SLC35F1: variants seen among roughly 807,000 people sequenced by gnomAD.
SLC35F1 encodes chromosome 6 open reading frame 169.
Under a neutral mutation model 48.7 loss-of-function variants are expected in SLC35F1, and 14 were observed. The observed-to-expected ratio is 0.29, with a 90% CI of 0.19 to 0.45. The LOEUF (loss-of-function observed/expected upper bound fraction) is 0.45. Ranked by LOEUF, SLC35F1 falls within the 20% of genes least tolerant of loss-of-function variation. SLC35F1 has a pLI of 1.00. For synonymous variants in SLC35F1, 190 were observed against 202.2 expected (o/e 0.94, Z 0.51); for missense variants, 404 against 500.0 (o/e 0.81, Z 1.83).
intron 1 of SLC35F1, among the ~76,000 whole-genome samples, chr6:118,038,315 C>T (rs1451876305): frequency 6.6e-6 from 1 of 151,650 alleles, no homozygotes; most frequent in African/African-American, 2.4e-5. Context: ...ATTTTTTTCT[C>T]ATATTATTTC....
At chr6:118,212,157 A>G (rs1204672178) in intron 2 of SLC35F1, among the ~76,000 whole-genome samples, 1 of 152,158 alleles carries the variant, frequency 6.6e-6, no homozygotes. Context: ...CTTTTCTCGC[A>G]TGTCTTTGAA....
chr6:117,908,602 G>C (rs1775726105), intron 1 of SLC35F1, among the ~76,000 whole-genome samples: 2 of 152,254 alleles, frequency 1.3e-5, no homozygotes, highest in African/African-American at 4.8e-5. Flanking sequence ...GCCGATCGCC[G>C]GCGCCTCCAG....
chr6:118,087,992 C>G (rs925245360), intron 1 of SLC35F1, among the ~76,000 whole-genome samples: 17 of 152,120 alleles, frequency 1.1e-4, no homozygotes, highest in African/African-American at 3.1e-4. Flanking sequence ...GAATAGCAAT[C>G]AAAGCAATAA....
chr6:118,300,996 C>T (rs1425415083), intron 7 of SLC35F1, among the ~76,000 whole-genome samples: 3 of 152,020 alleles, frequency 2.0e-5, no homozygotes, highest in South Asian at 4.2e-4. Flanking sequence ...TGGAGGTTTC[C>T]GTAGTTATGA....
At chr6:118,264,837 G>C (rs1020600542) in intron 3 of SLC35F1, among the ~76,000 whole-genome samples, 2 of 152,206 alleles carry the variant, frequency 1.3e-5, no homozygotes, top group African/African-American at 4.8e-5. Flanking sequence ...CACTGAAATA[G>C]CATCTGAGGC....
chr6:117,977,198 TTTC>T (rs1474064082), intron 1 of SLC35F1, among the ~76,000 whole-genome samples: 1 of 142,612 alleles, frequency 7.0e-6, no homozygotes, highest in Non-Finnish European at 1.6e-5. Context: ...TTTTTCTTTC[TTTC>T]TTTTTTTTTT....
chr6:118,131,128 T>A lies in SLC35F1; in HGVS notation c.174-23317T>A, dbSNP rs182998375. Among the ~76,000 whole-genome samples the A allele has an allele frequency of 2.4e-4, 37 of 152,278 alleles. No individual in the cohort carries two copies. The East Asian group carries it at 5.8e-3, about 24-fold the overall frequency. ...TTTCTCCAAACACACACGAGTTTTT[T>A]AAAAATTTTTTCCTGCAATTTCAAG... On this transcript the variant is annotated intron_variant, in intron 1 of 7. Coordinates refer to ENST00000360388, the MANE Select transcript of SLC35F1 (RefSeq NM_001029858.4).
intron 1 of SLC35F1, among the ~76,000 whole-genome samples, chr6:117,938,640 G>T (rs1040110592): frequency 1.5e-4 from 23 of 152,200 alleles, no homozygotes; most frequent in African/African-American, 5.3e-4. Flanking sequence ...CTTGGGAAGT[G>T]GGAAGGAAGA....
intron 3 of SLC35F1, among the ~76,000 whole-genome samples, chr6:118,260,335 C>T (rs1322197973): frequency 2.0e-5 from 3 of 152,008 alleles, no homozygotes; most frequent in Non-Finnish European, 4.4e-5. Context: ...ACACTAAAAA[C>T]CACTAATTGC....
intron 1 of SLC35F1, among the ~76,000 whole-genome samples, chr6:118,126,162 C>T (rs1012499452): frequency 1.3e-5 from 2 of 152,134 alleles, no homozygotes; most frequent in Non-Finnish European, 2.9e-5. Flanking sequence ...GCTGACTTTC[C>T]TGGACCTAGT....
intron 1 of SLC35F1, among the ~76,000 whole-genome samples, chr6:118,112,175 CT>C (rs1459839495): frequency 3.3e-5 from 5 of 149,506 alleles, no homozygotes; most frequent in Non-Finnish European, 5.9e-5. Context: ...TGTCACCAGG[CT>C]GGAGTGCAGT....
intron 1 of SLC35F1, among the ~76,000 whole-genome samples, chr6:117,973,302 T>A (rs2114844694): frequency 6.6e-6 from 1 of 152,296 alleles, no homozygotes. Flanking sequence ...TTAAAGTCCT[T>A]ATCTCCTAGT....
At chr6:118,207,671 A>G (rs559247413) in intron 2 of SLC35F1, among the ~76,000 whole-genome samples, 1 of 152,184 alleles carries the variant, frequency 6.6e-6, no homozygotes, top group Non-Finnish European at 1.5e-5. Flanking sequence ...CCAGGGACCT[A>G]ATAAACACTG....
Position 118,161,563 on chromosome 6 carries a change from G to A in SLC35F1, c.349+6943G>A, listed in dbSNP as rs1215132080. ...GTCTGGTGAGGTAATATTCACTGGA[G>A]CCTCTTAAAAAGTCTCCCTTGTGGG... On this transcript the variant is annotated intron_variant, in intron 2 of 7. Coordinates refer to ENST00000360388, the MANE Select transcript of SLC35F1 (RefSeq NM_001029858.4). 7.9e-5 allele frequency among the ~76,000 whole-genome samples: 12 copies of A among 152,318 alleles called. No individual in the cohort carries two copies. In the East Asian group the frequency reaches 2.3e-3, roughly 29 times the overall value.
chr6:117,980,560 A>G (rs1238832650), intron 1 of SLC35F1, among the ~76,000 whole-genome samples: 3 of 152,230 alleles, frequency 2.0e-5, no homozygotes, highest in Non-Finnish European at 4.4e-5. Flanking sequence ...ATTCTCATTT[A>G]TCAGACAATT....
chr6:118,246,265 GCTGATCA>G (rs1410790424), intron 3 of SLC35F1, among the ~76,000 whole-genome samples: 18 of 152,286 alleles, frequency 1.2e-4, no homozygotes, highest in Admixed American at 1.2e-3. Flanking sequence ...GGGTTTTAAA[GCTGATCA>G]CTGACCTCTC....
intron 2 of SLC35F1, among the ~76,000 whole-genome samples, chr6:118,172,751 A>G (rs941973238): frequency 5.3e-5 from 8 of 152,186 alleles, no homozygotes; most frequent in Non-Finnish European, 8.8e-5. Flanking sequence ...TGGTTGTTTC[A>G]TTAAAATGTT....
chr6:118,305,646 TC>T (rs1233700177), intron 7 of SLC35F1, among the ~76,000 whole-genome samples: 1 of 152,220 alleles, frequency 6.6e-6, no homozygotes, highest in Admixed American at 6.5e-5. Flanking sequence ...TTCACCCTTT[TC>T]CTTCATATCC....
At chr6:118,221,385 G>T (rs1775149015) in intron 2 of SLC35F1, among the ~76,000 whole-genome samples, 1 of 152,172 alleles carries the variant, frequency 6.6e-6, no homozygotes. Flanking sequence ...TTATGAGCTT[G>T]TCAAAACCTC....
Sources: allele counts gnomAD v4.1 joint callset (sites outside exome capture counted in the v4.1 genomes callset), GRCh38; gene constraint gnomAD v4.1.1; transcripts MANE v1.5; gene names NCBI Gene and HGNC (gene_info 2026-07-23, HGNC 2026-07-21).